The following GABRB1 variants were observed in gnomAD, a reference collection of about 807,000 sequenced individuals.
GABRB1 encodes the protein gamma-aminobutyric acid receptor subunit beta-1.
Under a neutral mutation model 51.6 loss-of-function variants are expected in GABRB1, and 17 were observed. That is an observed-to-expected ratio of 0.33 (90% CI 0.23 to 0.49). The LOEUF is 0.49. Ranked by LOEUF, GABRB1 falls within the 20% of genes least tolerant of loss-of-function variation. GABRB1 has a pLI of 0.99. For synonymous variants in GABRB1, 247 were observed against 218.9 expected (o/e 1.13, Z -1.14); for missense variants, 410 against 600.6 (o/e 0.68, Z 3.32).
intron 3 of GABRB1, among the ~76,000 whole-genome samples, chr4:47,088,151 C>T (rs942991484): frequency 1.3e-5 from 2 of 152,106 alleles, no homozygotes; most frequent in African/African-American, 4.8e-5. Context: ...CTGTACTTTC[C>T]TACATTTAGA....
rs528477539 is a variant in GABRB1, at chr4:47,189,459, T to A, written c.461+27990T>A. On this transcript the variant is annotated intron_variant, in intron 4 of 8. Transcript: ENST00000295454. Reference sequence around the variant, plus strand: ...ATAAGATGATATATAGAATATGAGATGATAGAATATAAGAAACTATCCAAT... The same window carrying A: ...ATAAGATGATATATAGAATATGAGAAGATAGAATATAAGAAACTATCCAAT... Among the ~76,000 whole-genome samples, 6 of 151,770 alleles carry A rather than the reference T, an allele frequency of 4.0e-5. No individual in the cohort carries two copies. In the South Asian group the frequency reaches 1.2e-3, roughly 32 times the overall value.
intron 3 of GABRB1, among the ~76,000 whole-genome samples, chr4:47,098,533 G>A (rs1157471568): frequency 6.6e-6 from 1 of 152,082 alleles, no homozygotes. Context: ...ATAGGGTAGT[G>A]TATTGAAACT....
intron 5 of GABRB1, among the ~76,000 whole-genome samples, chr4:47,398,784 G>GTTTGCTTTGT (rs1728274415): frequency 6.6e-6 from 1 of 150,486 alleles, no homozygotes; most frequent in Non-Finnish European, 1.5e-5. Context: ...TTTTTTGTTT[G>GTTTGCTTTGT]TTTGTTTTGT....
chr4:47,404,826 T>C (rs1210045912), intron 7 of GABRB1, among the ~76,000 whole-genome samples: 1 of 152,164 alleles, frequency 6.6e-6, no homozygotes, highest in Non-Finnish European at 1.5e-5. Flanking sequence ...AAAAAAACAG[T>C]GGATGATGTC....
chr4:47,321,407 G>A (rs1216642178), intron 5 of GABRB1, among the ~76,000 whole-genome samples: 1 of 152,088 alleles, frequency 6.6e-6, no homozygotes, highest in African/African-American at 2.4e-5. Flanking sequence ...TTTACACATA[G>A]ACATTGACCT....
intron 1 of GABRB1, among the ~76,000 whole-genome samples, chr4:47,010,490 A>G (rs562780694): frequency 3.9e-5 from 6 of 152,228 alleles, no homozygotes; most frequent in Non-Finnish European, 7.3e-5. Flanking sequence ...GAATGATTGC[A>G]TAACAATGAT....
chr4:47,292,335 G>T (rs1723778597), intron 4 of GABRB1, among the ~76,000 whole-genome samples: 1 of 151,956 alleles, frequency 6.6e-6, no homozygotes, highest in Non-Finnish European at 1.5e-5. Context: ...CCCAGTCTTG[G>T]GTATGTCTTT....
At chr4:47,223,937 C>T (rs1223918848) in intron 4 of GABRB1, among the ~76,000 whole-genome samples, 5 of 152,078 alleles carry the variant, frequency 3.3e-5, no homozygotes, top group East Asian at 3.9e-4. Flanking sequence ...CCAATCACTA[C>T]CCTCTACTTT....
At chr4:47,079,448 T>G (rs1484212433) in intron 3 of GABRB1, among the ~76,000 whole-genome samples, 1 of 152,086 alleles carries the variant, frequency 6.6e-6, no homozygotes, top group African/African-American at 2.4e-5. Context: ...TCTGTGGGAT[T>G]GGTGGTGATA....
intron 4 of GABRB1, among the ~76,000 whole-genome samples, chr4:47,247,710 T>A (rs2109858728): frequency 6.6e-6 from 1 of 152,140 alleles, no homozygotes; most frequent in African/African-American, 2.4e-5. Context: ...TGTTTTGTAG[T>A]TTTCCTTGTA....
At chr4:47,402,299 A>G (rs1055010525) in intron 5 of GABRB1, among the ~76,000 whole-genome samples, 3 of 152,224 alleles carry the variant, frequency 2.0e-5, no homozygotes, top group African/African-American at 7.2e-5. Context: ...GGTGTCCACT[A>G]CAAAAAGCTT....
chr4:47,221,682 GGTGA>G (rs1278013702), intron 4 of GABRB1, among the ~76,000 whole-genome samples: 6 of 151,968 alleles, frequency 3.9e-5, no homozygotes, highest in Admixed American at 3.3e-4. Flanking sequence ...AAAAATGCAG[GGTGA>G]GTATCTGCCT....
intron 3 of GABRB1, among the ~76,000 whole-genome samples, chr4:47,089,958 G>T (rs1728227993): frequency 6.6e-6 from 1 of 152,196 alleles, no homozygotes; most frequent in Non-Finnish European, 1.5e-5. Flanking sequence ...ATTTAGGGCA[G>T]AAATTATACT....
At chr4:47,352,394 G>A (rs1053393099) in intron 5 of GABRB1, among the ~76,000 whole-genome samples, 1 of 152,136 alleles carries the variant, frequency 6.6e-6, no homozygotes, top group Non-Finnish European at 1.5e-5. Context: ...GAAAAAGAGA[G>A]AATCCTCCCG....
chr4:47,291,066 T>C (rs1301344875), intron 4 of GABRB1, among the ~76,000 whole-genome samples: 1 of 152,094 alleles, frequency 6.6e-6, no homozygotes, highest in Non-Finnish European at 1.5e-5. Context: ...TGGCAGCCCC[T>C]CCCATCAAGG....
intron 4 of GABRB1, among the ~76,000 whole-genome samples, chr4:47,298,626 G>A (rs1180117087): frequency 2.6e-5 from 4 of 152,160 alleles, no homozygotes; most frequent in Non-Finnish European, 5.9e-5. Flanking sequence ...ATGCTCATGG[G>A]TAGGAAGAAT....
chr4:47,065,681 A>T (rs1279382008), intron 3 of GABRB1, among the ~76,000 whole-genome samples: 1 of 152,190 alleles, frequency 6.6e-6, no homozygotes, highest in Non-Finnish European at 1.5e-5. Flanking sequence ...TTAGCCAAAC[A>T]CTGTAAATAA....
intron 4 of GABRB1, among the ~76,000 whole-genome samples, chr4:47,311,603 T>C (rs1442842451): frequency 6.6e-6 from 1 of 152,034 alleles, no homozygotes; most frequent in East Asian, 1.9e-4. Context: ...AAGTTCTCCC[T>C]TAGAGCCTCC....
intron 3 of GABRB1, among the ~76,000 whole-genome samples, chr4:47,048,666 T>A (rs949009107): frequency 6.6e-6 from 1 of 152,160 alleles, no homozygotes; most frequent in Non-Finnish European, 1.5e-5. Context: ...TATATCAGTT[T>A]TTACAAGAGT....
Sources: gnomAD v4.1 joint callset for allele counts (sites outside exome capture counted in the v4.1 genomes callset) on GRCh38, gnomAD v4.1.1 for gene constraint, MANE v1.5 for transcripts, NCBI Gene and HGNC (gene_info 2026-07-23, HGNC 2026-07-21) for gene names.